The following NLRP1 variants were observed in gnomAD, a reference collection of about 807,000 sequenced individuals.
NLRP1 encodes the protein NACHT, LRR and PYD domains-containing protein 1.
In NLRP1, 94 loss-of-function variants were observed where a neutral mutation model predicts 136.7. The observed-to-expected ratio is 0.69, with a 90% CI of 0.58 to 0.82. NLRP1 has a LOEUF of 0.82. Among genes scored for constraint, NLRP1 ranks in the 40% least tolerant of loss-of-function variants. The pLI, the probability that NLRP1 is intolerant of heterozygous loss-of-function variation, is 0.00. For missense variants in NLRP1, 1,575 were observed against 1,802.7 expected (o/e 0.87, Z 2.29); for synonymous variants, 690 against 725.1 (o/e 0.95, Z 0.78).
intron 3 of NLRP1, among the ~76,000 whole-genome samples, chr17:5,563,694 C>T (rs542416772): frequency 5.9e-5 from 9 of 152,318 alleles, no homozygotes; most frequent in African/African-American, 9.6e-5. Context: ...ACTTGGAAAA[C>T]GTATTTGAAG....
Position 5,583,884 on chromosome 17 carries a change from T to TGGAACTCCTTCAGCTCCTCCTTCTTCA in NLRP1, c.47_73dup (p.Leu16_Phe24dup), listed in dbSNP as rs1905996639. On this transcript the variant is annotated inframe_insertion, in exon 1 of 17. Coordinates refer to ENST00000572272, the MANE Select transcript of NLRP1 (RefSeq NM_033004.4). The surrounding 1 kb of genome is among the most constrained non-coding windows in gnomAD (Gnocchi z 4.5). ...GTGCGCTTTATTGGCGAGCAGAAGCTGGAACTCCTTCAGCTCCTCCTTCTT... is the reference window on the plus strand; with the variant it reads ...GTGCGCTTTATTGGCGAGCAGAAGCTGGAACTCCTTCAGCTCCTCCTTCTTCAGGAACTCCTTCAGCTCCTCCTTCTT... 1 of 1,598,184 alleles carries TGGAACTCCTTCAGCTCCTCCTTCTTCA rather than the reference T, an allele frequency of 6.3e-7. No individual in the cohort carries two copies.
chr17:5,511,663 G>A (rs1907636109), downstream of NLRP1, among the ~76,000 whole-genome samples: 1 of 152,164 alleles, frequency 6.6e-6, no homozygotes, highest in Non-Finnish European at 1.5e-5. Flanking sequence ...GCAGAAGGAG[G>A]CGGGGCATGC....
chr17:5,551,658 G>A (rs1357757709), intron 5 of NLRP1, among the ~76,000 whole-genome samples: 7 of 152,162 alleles, frequency 4.6e-5, no homozygotes, highest in East Asian at 1.9e-4. Context: ...ATGAATGAGA[G>A]TTCCTGTTTT....
intron 5 of NLRP1, among the ~76,000 whole-genome samples, chr17:5,551,715 G>A (rs1913381185): frequency 6.6e-6 from 1 of 152,002 alleles, no homozygotes; most frequent in African/African-American, 2.4e-5. Flanking sequence ...TTGGATTTTG[G>A]CCATTCTGAT....
At chr17:5,582,946 G>A (rs1246679569) in intron 1 of NLRP1, 100 bp from the exon 2 acceptor site, 1 of 916,234 alleles carries the variant, frequency 1.1e-6, no homozygotes, top group African/African-American at 1.7e-5. Flanking sequence ...GAGAGGTCAG[G>A]ATACACCAGT....
chr17:5,511,185 C>T (rs2151729512), downstream of NLRP1, among the ~76,000 whole-genome samples: 1 of 152,272 alleles, frequency 6.6e-6, no homozygotes, highest in Admixed American at 6.5e-5. Flanking sequence ...AATCCCAGCA[C>T]TTTAGGAGGC....
chr17:5,576,503 C>G lies in NLRP1; in HGVS notation c.652+5356G>C, dbSNP rs555488356. 1.6e-4 allele frequency among the ~76,000 whole-genome samples: 24 copies of G among 152,314 alleles called. No homozygotes were observed. The East Asian group carries it at 4.6e-3, about 29-fold the overall frequency. ...TCAGAGAATACTATAAACACCTCTA[C>G]ACAAATAAACTAGAAAATCTAGAAG... On this transcript the variant is annotated intron_variant, in intron 3 of 16. Coordinates refer to ENST00000572272, the MANE Select transcript of NLRP1 (RefSeq NM_033004.4).
intron 13 of NLRP1, 125 bp from the exon 14 acceptor site, chr17:5,521,137 T>TC (rs1028865810): frequency 3.1e-5 from 29 of 923,494 alleles, no homozygotes; most frequent in Non-Finnish European, 4.6e-5. Context: ...CCTGCCTCCC[T>TC]CCCCCCATGC....
chr17:5,501,894 C>A, intron 15 of NLRP1: 1 of 1,611,124 alleles, frequency 6.2e-7, no homozygotes, highest in South Asian at 1.1e-5. Flanking sequence ...GGAGAACAAT[C>A]ACTTGGATTT....
intron 3 of NLRP1, among the ~76,000 whole-genome samples, chr17:5,581,469 G>A (rs1272635673): frequency 6.6e-6 from 1 of 152,200 alleles, no homozygotes; most frequent in Non-Finnish European, 1.5e-5. Flanking sequence ...CCCAGAGAGT[G>A]TCCAGTGAGC....
Position 5,520,048 on chromosome 17 carries a change from G to C in NLRP1, c.3915+833C>G, listed in dbSNP as rs552899584. On this transcript the variant is annotated intron_variant, in intron 14 of 16. Transcript: ENST00000572272. ...ATTTTTGTATTTTTAGTAGAGACAGGGTTTCACCATGTTGGCCAGGCTGGT... is the reference window on the plus strand; with the variant it reads ...ATTTTTGTATTTTTAGTAGAGACAGCGTTTCACCATGTTGGCCAGGCTGGT... Among the ~76,000 whole-genome samples, 5 of 151,362 alleles carry C rather than the reference G, an allele frequency of 3.3e-5. No homozygotes were observed. In the South Asian group the frequency reaches 6.3e-4, roughly 19 times the overall value.
chr17:5,519,056 A>G (rs139372698), intron 14 of NLRP1, among the ~76,000 whole-genome samples: 2,345 of 149,080 alleles, frequency 0.016, 60 homozygotes, highest in African/African-American at 0.054. Flanking sequence ...AGGCTGGAGC[A>G]CAGTGGCACA....
intron 4 of NLRP1, among the ~76,000 whole-genome samples, chr17:5,553,891 A>C (rs956287312): frequency 3.3e-5 from 5 of 150,254 alleles, no homozygotes; most frequent in Non-Finnish European, 7.4e-5. Context: ...ACTGCTCAGC[A>C]TAGGGCCTGG....
At chr17:5,572,034 C>T (rs909495695) in intron 3 of NLRP1, among the ~76,000 whole-genome samples, 2 of 152,208 alleles carry the variant, frequency 1.3e-5, no homozygotes, top group African/African-American at 4.8e-5. Flanking sequence ...GCTGAGATAA[C>T]TGGCTAGCCA....
intron 15 of NLRP1, among the ~76,000 whole-genome samples, chr17:5,507,278 G>A (rs1377885939): frequency 2.0e-5 from 3 of 151,842 alleles, no homozygotes; most frequent in East Asian, 1.9e-4. Flanking sequence ...ATAACTGTGA[G>A]GACATTTTGT....
Position 5,560,057 on chromosome 17 carries a change from G to A in NLRP1, c.653-14C>T, listed in dbSNP as rs1233782538. 6.5e-7 allele frequency: 1 copy of A among 1,535,406 alleles called. No homozygotes were observed. Among genetic ancestry groups the A allele is most frequent in the South Asian group, 1.3e-5 (1 of 78,546 alleles). ...TTTCTCTGATTTCTAAGTAAGGGAG[G>A]GAAAGAAGGAACATAAAGGTAGAGA... On this transcript the variant is annotated splice_polypyrimidine_tract_variant and intron_variant, in intron 3 of 16. Transcript: ENST00000572272.
At chr17:5,556,603 G>A (rs1264895808) in intron 4 of NLRP1, among the ~76,000 whole-genome samples, 4 of 151,582 alleles carry the variant, frequency 2.6e-5, no homozygotes, top group Non-Finnish European at 5.9e-5. Flanking sequence ...AAAAAAGACT[G>A]GGGTTCTTAC....
chr17:5,553,871 T>A lies in NLRP1; in HGVS notation c.2358-315A>T, dbSNP rs200621429. ...GACATTTGTCTTTTTTTTTTTTTTT[T>A]TAAATCTGCACTGCTCAGCATAGGG... On this transcript the variant is annotated intron_variant, in intron 4 of 16. Coordinates refer to ENST00000572272, the MANE Select transcript of NLRP1 (RefSeq NM_033004.4). 5.0e-3 allele frequency among the ~76,000 whole-genome samples: 680 copies of A among 137,280 alleles called. 17 individuals carry two copies. The East Asian group carries it at 0.087, about 17-fold the overall frequency. The allele number at this position is 137,280 out of a possible 152,430, so 90.1% of individuals were successfully genotyped here.
chr17:5,559,846 G>C lies in NLRP1; in HGVS notation c.850C>G (p.Leu284Val). Residue 284 changes from leucine (L) to valine (V), a missense_variant, in exon 4 of 17, where the codon CTA becomes GTA. By Grantham distance (32) the Leu-to-Val change is conservative. Coordinates refer to ENST00000572272, the MANE Select transcript of NLRP1 (RefSeq NM_033004.4). The part of the protein sequence containing the change: ...FNQKFTQLLL[L>V]QRPHPRSQDP... ...TGGCTTCTGGGGTGAGGTCTTTGTA[G>C]AAGTAGCAGCTGTGTGAATTTTTGG... 2.5e-6 allele frequency: 4 copies of C among 1,614,226 alleles called. No individual in the cohort carries two copies. The highest frequency in any genetic ancestry group is 3.4e-6 in the Non-Finnish European group (4 of 1,180,024).
Sources: allele counts gnomAD v4.1 joint callset (sites outside exome capture counted in the v4.1 genomes callset), GRCh38; gene constraint gnomAD v4.1.1; non-coding constraint Gnocchi (gnomAD v3.1); transcripts MANE v1.5; gene names NCBI Gene and HGNC (gene_info 2026-07-23, HGNC 2026-07-21).